Variants in TPM4 observed in about 807,000 individuals in gnomAD.
The protein encoded by TPM4 is tropomyosin alpha-4 chain.
In TPM4, 17 loss-of-function variants were observed where a neutral mutation model predicts 35.8. That is an observed-to-expected ratio of 0.47 (90% CI 0.32 to 0.71). TPM4 has a LOEUF of 0.71. Ranked by LOEUF, TPM4 falls within the 30% of genes least tolerant of loss-of-function variation. TPM4 has a pLI of 0.03. For synonymous variants in TPM4, 120 were observed against 122.9 expected (o/e 0.98, Z 0.15); for missense variants, 240 against 320.9 (o/e 0.75, Z 1.93).
upstream of TPM4, among the ~76,000 whole-genome samples, chr19:16,072,382 C>A (rs1479302327): frequency 1.3e-5 from 2 of 152,222 alleles, no homozygotes; most frequent in Admixed American, 1.3e-4. Context: ...GCAGAGCAGG[C>A]CACCAGGGTT....
In TPM4 at chr19:16,076,785, C is replaced by T. The variant is rs2090412976; in HGVS notation, c.132+88C>T. ...CCCGGCTTCCCGCGCTGCCCGCCCGCGCGCAGTCCTCGGGCCGCCTTTTTA... is the reference window on the plus strand; with the variant it reads ...CCCGGCTTCCCGCGCTGCCCGCCCGTGCGCAGTCCTCGGGCCGCCTTTTTA... On this transcript the variant is annotated intron_variant, in intron 1 of 7. Coordinates refer to ENST00000643579, the MANE Select transcript of TPM4 (RefSeq NM_003290.3). 4.7e-6 allele frequency: 6 copies of T among 1,281,072 alleles called. No homozygotes were observed. The South Asian group carries it at 1.4e-4, about 29-fold the overall frequency. 79.4% of individuals were successfully genotyped at this position (1,281,072 alleles called of 1,614,324 possible).
intron 1 of TPM4, chr19:16,077,289 G>GA (rs1421564980): frequency 6.6e-6 from 1 of 151,956 alleles, no homozygotes; most frequent in East Asian, 1.9e-4. Context: ...GGGGGGGATG[G>GA]GGGGTGGAGG....
intron 7 of TPM4, 139 bp from the exon 8 acceptor site, chr19:16,101,125 C>CGCGCCACT: frequency 1.7e-6 from 1 of 575,240 alleles, no homozygotes; most frequent in Non-Finnish European, 2.9e-6. Context: ...GAGCCAAGAT[C>CGCGCCACT]GCGCCACTGC....
chr19:16,076,888 C>G, intron 1 of TPM4, 191 bp downstream of exon 1: 2 of 1,200,160 alleles, frequency 1.7e-6, no homozygotes, highest in Non-Finnish European at 2.1e-6. Flanking sequence ...CGTCCTCCTT[C>G]CTGGGCCTGG....
chr19:16,076,830 C>G (rs1397760938), intron 1 of TPM4, 133 bp downstream of exon 1: 1 of 1,262,204 alleles, frequency 7.9e-7, no homozygotes, highest in Non-Finnish European at 1.0e-6. Context: ...ACGCCGATCG[C>G]CGACCCACAT....
chr19:16,086,657 T>A, intron 3 of TPM4, 117 bp downstream of exon 3: 1 of 776,384 alleles, frequency 1.3e-6, no homozygotes. Context: ...GCTGTCCTCC[T>A]GCGTGAACAT....
intron 1 of TPM4, among the ~76,000 whole-genome samples, chr19:16,078,848 A>AAAC (rs926237631): frequency 1.2e-4 from 18 of 151,556 alleles, no homozygotes; most frequent in African/African-American, 4.1e-4. Context: ...AAAAAAAAAA[A>AAAC]ACCTTTCACT....
chr19:16,077,926 T>TC, intron 1 of TPM4: 2 of 340,852 alleles, frequency 5.9e-6, no homozygotes, highest in Non-Finnish European at 5.2e-6. Flanking sequence ...CACGCCCAGC[T>TC]AATTTTTTTT....
intron 1 of TPM4, among the ~76,000 whole-genome samples, chr19:16,078,525 C>G (rs556644361): frequency 6.6e-6 from 1 of 152,320 alleles, no homozygotes; most frequent in Non-Finnish European, 1.5e-5. Context: ...GCCTTAGAAA[C>G]CCGGTGTAAG....
At chr19:16,100,183 G>A (rs1337977588) in intron 7 of TPM4, 1 of 152,154 alleles carries the variant, frequency 6.6e-6, no homozygotes, top group Non-Finnish European at 1.5e-5. Flanking sequence ...GACAGACGGG[G>A]AAAACAGACC....
chr19:16,100,022 A>G (rs777934451), intron 7 of TPM4: 1 of 152,230 alleles, frequency 6.6e-6, no homozygotes, highest in Non-Finnish European at 1.5e-5. Context: ...TCAGGGGCTA[A>G]TTAACTAGCA....
rs536390742 is a variant in TPM4, at chr19:16,097,400, A to C, written c.664+3647A>C. Among the ~76,000 whole-genome samples, 33 of 151,726 alleles carry C rather than the reference A, an allele frequency of 2.2e-4. 1 individual carries two copies. Among genetic ancestry groups the C allele is most frequent in the African/African-American group, 7.5e-4 (31 of 41,358 alleles). On this transcript the variant is annotated intron_variant, in intron 7 of 7. Coordinates refer to ENST00000643579, the MANE Select transcript of TPM4 (RefSeq NM_003290.3). ...AGCAATTCTCCTGCCTCAGCCTCCC[A>C]AGTAGCTGGGACTACAGGCATGCGC...
intron 1 of TPM4, chr19:16,079,652 T>A (rs1360822225): frequency 4.7e-6 from 1 of 213,026 alleles, no homozygotes; most frequent in Non-Finnish European, 9.5e-6. Flanking sequence ...CTCATTCTAT[T>A]TTTTTTTCCC....
intron 2 of TPM4, among the ~76,000 whole-genome samples, chr19:16,069,651 T>TGTGTGTGTTTCTATTG (rs2090336159): frequency 2.0e-5 from 3 of 150,366 alleles, no homozygotes; most frequent in Non-Finnish European, 4.4e-5. Context: ...TTTCTGTTGG[T>TGTGTGTGTTTCTATTG]GTGTGTGTGG....
At chr19:16,068,615 ATG>A (rs1023935694) in intron 2 of TPM4, among the ~76,000 whole-genome samples, 2 of 152,172 alleles carry the variant, frequency 1.3e-5, no homozygotes, top group Non-Finnish European at 2.9e-5. Context: ...GTGTGTATCT[ATG>A]TGTTTAAGCA....
intron 5 of TPM4, among the ~76,000 whole-genome samples, chr19:16,091,979 G>A (rs2090632362): frequency 6.6e-6 from 1 of 151,200 alleles, no homozygotes; most frequent in South Asian, 2.1e-4. Flanking sequence ...CAGCCTGGCT[G>A]GCCATCGTAG....
intron 7 of TPM4, among the ~76,000 whole-genome samples, chr19:16,097,168 G>C (rs1304238683): frequency 2.0e-5 from 3 of 151,740 alleles, no homozygotes; most frequent in African/African-American, 7.3e-5. Flanking sequence ...TAGCTAGGCT[G>C]GTCTGAAACT....
At chr19:16,089,989 C>T (rs2090606284) in intron 5 of TPM4, among the ~76,000 whole-genome samples, 1 of 151,840 alleles carries the variant, frequency 6.6e-6, no homozygotes, top group Non-Finnish European at 1.5e-5. Context: ...CTCCCGATTA[C>T]ACGCTAATTT....
intron 2 of TPM4, among the ~76,000 whole-genome samples, chr19:16,071,136 A>T (rs2090353734): frequency 1.3e-5 from 2 of 152,202 alleles, no homozygotes; most frequent in African/African-American, 4.8e-5. Flanking sequence ...GTCTACACAG[A>T]CTAGCTTTCA....
Sources: gnomAD v4.1 joint callset for allele counts (sites outside exome capture counted in the v4.1 genomes callset) on GRCh38, gnomAD v4.1.1 for gene constraint, MANE v1.5 for transcripts, NCBI Gene and HGNC (gene_info 2026-07-23, HGNC 2026-07-21) for gene names.